CSMD3: variants seen among roughly 807,000 people sequenced by gnomAD.
CSMD3 encodes the protein CUB and Sushi multiple domains 3, also known as CUB and sushi domain-containing protein 3.
Under a neutral mutation model 435.2 loss-of-function variants are expected in CSMD3, and 177 were observed. The ratio of observed to expected loss-of-function variants is 0.41; its 90% CI spans 0.36 to 0.46. CSMD3 has a LOEUF of 0.46. Ranked by LOEUF, CSMD3 falls within the 20% of genes least tolerant of loss-of-function variation. The probability of loss-of-function intolerance (pLI) is 0.34; values close to 1 mark genes in which losing one functional copy is unlikely to be tolerated. For missense variants in CSMD3, 4,265 were observed against 4,504.6 expected, an observed-to-expected ratio of 0.95 and a Z score of 1.52; for synonymous variants, 1,656 against 1,520.5, an observed-to-expected ratio of 1.09 and a Z score of -2.07.
intron 9 of CSMD3, among the ~76,000 whole-genome samples, chr8:112,942,980 G>A (rs191716862): frequency 1.3e-5 from 2 of 151,518 alleles, no homozygotes; most frequent in African/African-American, 2.4e-5. Context: ...TTACTTTCTC[G>A]GCAGCATTTT....
intron 22 of CSMD3, among the ~76,000 whole-genome samples, chr8:112,625,854 CTA>C (rs938279495): frequency 1.3e-5 from 2 of 152,104 alleles, no homozygotes; most frequent in African/African-American, 4.8e-5. Flanking sequence ...TCATTTGTCT[CTA>C]TGTTTTCTCT....
intron 3 of CSMD3, among the ~76,000 whole-genome samples, chr8:113,214,438 T>A (rs548926831): frequency 1.4e-4 from 21 of 152,070 alleles, no homozygotes; most frequent in South Asian, 4.1e-4. Context: ...GATACTGGCA[T>A]CAGTATTACA....
chr8:112,307,265 G>A (rs1251866004), intron 50 of CSMD3, among the ~76,000 whole-genome samples: 2 of 151,852 alleles, frequency 1.3e-5, no homozygotes, highest in Non-Finnish European at 2.9e-5. Flanking sequence ...TGGGACTACA[G>A]GTGCGTACCA....
intron 3 of CSMD3, among the ~76,000 whole-genome samples, chr8:113,223,495 T>C (rs2092992832): frequency 6.6e-6 from 1 of 150,590 alleles, no homozygotes; most frequent in South Asian, 2.1e-4. Flanking sequence ...TGTAAAACAC[T>C]TTGAAGAGGA....
chr8:112,514,696 T>A (rs1823493431), intron 28 of CSMD3, among the ~76,000 whole-genome samples: 1 of 152,086 alleles, frequency 6.6e-6, no homozygotes, highest in Non-Finnish European at 1.5e-5. Flanking sequence ...ATGACGTCCT[T>A]CTGTTTGGTA....
intron 38 of CSMD3, among the ~76,000 whole-genome samples, chr8:112,359,733 T>C (rs1420930852): frequency 1.3e-5 from 2 of 152,054 alleles, no homozygotes; most frequent in Non-Finnish European, 2.9e-5. Context: ...GGGAATACAT[T>C]TGAGGCAGTC....
chr8:112,861,424 T>A (rs936080333), intron 10 of CSMD3, among the ~76,000 whole-genome samples: 1 of 151,976 alleles, frequency 6.6e-6, no homozygotes, highest in South Asian at 2.1e-4. Flanking sequence ...TACATAGTCA[T>A]ACACTTTACT....
chr8:112,716,419 A>C (rs1299549917), intron 13 of CSMD3, among the ~76,000 whole-genome samples: 1 of 152,218 alleles, frequency 6.6e-6, no homozygotes, highest in Non-Finnish European at 1.5e-5. Context: ...CAAGGAAATA[A>C]GAGAAAACAC....
At chr8:113,423,858 A>G (rs1048964134) in intron 1 of CSMD3, among the ~76,000 whole-genome samples, 1 of 152,018 alleles carries the variant, frequency 6.6e-6, no homozygotes, top group South Asian at 2.1e-4. Context: ...TTCAAAATGT[A>G]CTAATTTCAT....
intron 17 of CSMD3, among the ~76,000 whole-genome samples, chr8:112,658,203 T>A (rs2075300250): frequency 6.6e-6 from 1 of 152,178 alleles, no homozygotes; most frequent in Non-Finnish European, 1.5e-5. Flanking sequence ...TAAAAAATAA[T>A]TTTTAGTTTG....
chr8:112,645,240 A>G lies in CSMD3; in HGVS notation c.3194-15T>C, dbSNP rs1360386677. ...TCCACATAATGCTGAAATACAAAGA[A>G]ACAGATCCATGTGATCAGCAGTGAG... On this transcript the variant is annotated splice_polypyrimidine_tract_variant and intron_variant, in intron 19 of 70. Transcript: ENST00000297405. 7.6e-7 allele frequency: 1 copy of G among 1,310,750 alleles called. No homozygotes were observed. Among genetic ancestry groups the G allele is most frequent in the East Asian group, 2.3e-5 (1 of 43,424 alleles). The allele number at this position is 1,310,750 out of a possible 1,614,324, so 81.2% of individuals were successfully genotyped here.
chr8:112,241,052 T>C (rs1415202265), intron 66 of CSMD3, among the ~76,000 whole-genome samples: 1 of 152,080 alleles, frequency 6.6e-6, no homozygotes, highest in Non-Finnish European at 1.5e-5. Flanking sequence ...AACGAACTAA[T>C]ACAAAGCAAT....
intron 1 of CSMD3, among the ~76,000 whole-genome samples, chr8:113,357,057 T>C (rs540467447): frequency 6.6e-6 from 1 of 152,270 alleles, no homozygotes; most frequent in Non-Finnish European, 1.5e-5. Flanking sequence ...AAAAAATATA[T>C]ATACATACAT....
chr8:113,141,383 A>T (rs1394847338), intron 4 of CSMD3, among the ~76,000 whole-genome samples: 3 of 150,916 alleles, frequency 2.0e-5, no homozygotes, highest in Non-Finnish European at 3.0e-5. Context: ...AGAAGAAAAA[A>T]ACTACTAATC....
At chr8:112,376,212 T>A (rs1828927530) in intron 38 of CSMD3, among the ~76,000 whole-genome samples, 1 of 152,190 alleles carries the variant, frequency 6.6e-6, no homozygotes, top group Non-Finnish European at 1.5e-5. Context: ...TGCTTTATCT[T>A]TCTGAATCTT....
At chr8:113,012,491 G>C (rs1018882003) in intron 6 of CSMD3, among the ~76,000 whole-genome samples, 2 of 151,996 alleles carry the variant, frequency 1.3e-5, no homozygotes, top group African/African-American at 4.8e-5. Context: ...TATGTTAAGA[G>C]AGGGAAGTGA....
At chr8:113,226,290 T>A (rs2093027957) in intron 3 of CSMD3, among the ~76,000 whole-genome samples, 1 of 151,592 alleles carries the variant, frequency 6.6e-6, no homozygotes, top group East Asian at 1.9e-4. Flanking sequence ...ATTAAAAATA[T>A]TACATGGATA....
intron 13 of CSMD3, among the ~76,000 whole-genome samples, chr8:112,791,003 G>T (rs2078673995): frequency 6.6e-6 from 1 of 151,930 alleles, no homozygotes; most frequent in Admixed American, 6.6e-5. Context: ...TATATGCATT[G>T]GTGAAACCAT....
intron 13 of CSMD3, among the ~76,000 whole-genome samples, chr8:112,725,333 C>T (rs73700802): frequency 2.0e-5 from 3 of 151,698 alleles, no homozygotes; most frequent in East Asian, 1.9e-4. Flanking sequence ...AGAAGCATTG[C>T]GACTTCAGTT....
Sources: gnomAD v4.1 joint callset for allele counts (sites outside exome capture counted in the v4.1 genomes callset) on GRCh38, gnomAD v4.1.1 for gene constraint, MANE v1.5 for transcripts, NCBI Gene and HGNC (gene_info 2026-07-23, HGNC 2026-07-21) for gene names.